Variants in ZNF33A observed in about 807,000 individuals in gnomAD.
The protein encoded by ZNF33A is brain my041 protein.
Under a neutral mutation model 15.9 loss-of-function variants are expected in ZNF33A, and 9 were observed. The ratio of observed to expected loss-of-function variants is 0.57; its 90% CI spans 0.34 to 0.99. The LOEUF (loss-of-function observed/expected upper bound fraction) is 0.99, where lower values mean the gene tolerates loss of function less well. Among genes scored for constraint, ZNF33A ranks in the 50% least tolerant of loss-of-function variants. The pLI, the probability that ZNF33A is intolerant of heterozygous loss-of-function variation, is 0.02. For synonymous variants in ZNF33A, 294 were observed against 324.2 expected (o/e 0.91, Z 1.00); for missense variants, 843 against 941.6 (o/e 0.90, Z 1.37).
intron 4 of ZNF33A, among the ~76,000 whole-genome samples, chr10:38,043,201 T>C (rs1306772635): frequency 1.3e-5 from 2 of 151,898 alleles, no homozygotes; most frequent in Non-Finnish European, 2.9e-5. Context: ...AGGTGACAGG[T>C]TATTAAAAAA....
intron 2 of ZNF33A, among the ~76,000 whole-genome samples, chr10:38,012,834 A>C (rs2064257035): frequency 6.6e-6 from 1 of 152,158 alleles, no homozygotes. Flanking sequence ...TAGAGTCAAT[A>C]AGTTGAGCTT....
At chr10:38,038,028 C>G (rs1385458329) in intron 4 of ZNF33A, among the ~76,000 whole-genome samples, 1 of 152,094 alleles carries the variant, frequency 6.6e-6, no homozygotes, top group African/African-American at 2.4e-5. Flanking sequence ...TCTTTAATTT[C>G]TTCTATCATT....
chr10:38,056,575 A>G lies in ZNF33A; in HGVS notation c.*15A>G. The G allele has an allele frequency of 6.5e-7, 1 of 1,538,560 alleles. No homozygotes were observed. The highest frequency in any genetic ancestry group is 2.3e-5 in the East Asian group (1 of 44,346). On this transcript the variant is annotated 3_prime_UTR_variant, in exon 5 of 5. Coordinates refer to ENST00000432900, the MANE Select transcript of ZNF33A (RefSeq NM_006954.2). ...ATGTTCAGTAACTATCCACAAACTC[A>G]CCTTATGTTACTCCAAAGTAATAGT...
chr10:38,034,996 C>T (rs975798406), intron 4 of ZNF33A, among the ~76,000 whole-genome samples: 2 of 151,764 alleles, frequency 1.3e-5, no homozygotes, highest in African/African-American at 4.8e-5. Context: ...TACTTATATT[C>T]TTCAACTCTT....
intron 4 of ZNF33A, among the ~76,000 whole-genome samples, chr10:38,032,642 C>T (rs2504117): frequency 0.06 from 9,114 of 151,916 alleles, 353 homozygotes; most frequent in Middle Eastern, 0.095. Context: ...GCTGTTTTTA[C>T]ATTTTCACCA....
chr10:38,064,106 C>T (rs1219944335), downstream of ZNF33A: 2 of 1,597,764 alleles, frequency 1.3e-6, no homozygotes, highest in Admixed American at 1.7e-5. Context: ...GATGCTCATG[C>T]CCTTGGATTA....
At position 38,054,541 on chromosome 10, in the gene ZNF33A, C is replaced by G; in HGVS notation, c.417C>G (p.Phe139Leu). 1.2e-6 allele frequency: 2 copies of G among 1,612,694 alleles called. No individual in the cohort carries two copies. The highest frequency in any genetic ancestry group is 1.1e-5 in the South Asian group (1 of 90,630). ...DVSSFPSRKM[F>L]CQCDSCGMSF... ...GTTCTTTTCCTTCCAGAAAAATGTT[C>G]TGTCAGTGTGATTCATGTGGAATGA... Residue 139 changes from phenylalanine to leucine, a missense_variant, in exon 5 of 5, where the codon TTC becomes TTG. Physicochemically the swap from Phe to Leu is conservative, Grantham distance 22. Coordinates refer to ENST00000432900, the MANE Select transcript of ZNF33A (RefSeq NM_006954.2).
chr10:38,010,663 G>A (rs748208671), upstream of ZNF33A: 4 of 1,572,452 alleles, frequency 2.5e-6, no homozygotes, highest in Non-Finnish European at 3.5e-6. Context: ...CTCGTCCGCC[G>A]GCTACGTCTG....
chr10:38,041,224 A>T (rs1274660597), intron 4 of ZNF33A, among the ~76,000 whole-genome samples: 1 of 152,112 alleles, frequency 6.6e-6, no homozygotes, highest in Non-Finnish European at 1.5e-5. Flanking sequence ...CCATCAGCAG[A>T]ATAGCACCCA....
intron 4 of ZNF33A, among the ~76,000 whole-genome samples, chr10:38,025,052 T>C (rs2064924846): frequency 6.6e-6 from 1 of 152,242 alleles, no homozygotes; most frequent in Non-Finnish European, 1.5e-5. Flanking sequence ...TCTTTCCCTG[T>C]CCCTAATTTA....
rs1439752611 is a variant in ZNF33A at position 38,010,746 on chromosome 10, G to A, written c.-82G>A. 16 of 1,598,344 alleles carry A rather than the reference G, an allele frequency of 1.0e-5. No homozygotes were observed. The East Asian group carries it at 1.1e-4, about 11-fold the overall frequency. ...GTCCCGGGATTTCAAGGGTCTACGC[G>A]CTTTTCTATGGCGAATGCAACCCGA... On this transcript the variant is annotated 5_prime_UTR_variant, in exon 1 of 5. Coordinates refer to ENST00000432900, the MANE Select transcript of ZNF33A (RefSeq NM_006954.2).
chr10:38,060,437 T>G (rs2066642409), downstream of ZNF33A, among the ~76,000 whole-genome samples: 1 of 152,140 alleles, frequency 6.6e-6, no homozygotes, highest in Non-Finnish European at 1.5e-5. Flanking sequence ...CAAACAGTGG[T>G]CACTGTACTC....
chr10:38,030,170 C>T (rs773598820), intron 4 of ZNF33A, among the ~76,000 whole-genome samples: 12 of 152,182 alleles, frequency 7.9e-5, no homozygotes, highest in Non-Finnish European at 1.8e-4. Flanking sequence ...TAAAATGCTA[C>T]AGTCATTCTA....
intron 4 of ZNF33A, among the ~76,000 whole-genome samples, chr10:38,025,306 T>G (rs1420140691): frequency 6.6e-6 from 1 of 152,188 alleles, no homozygotes; most frequent in Non-Finnish European, 1.5e-5. Flanking sequence ...ACCTCAACAT[T>G]GATTATGCTG....
chr10:38,051,843 T>C (rs1005647974), intron 4 of ZNF33A, among the ~76,000 whole-genome samples: 17 of 152,190 alleles, frequency 1.1e-4, no homozygotes, highest in African/African-American at 3.9e-4. Flanking sequence ...ATCTCTGCCC[T>C]GTATTAAAAA....
intron 4 of ZNF33A, among the ~76,000 whole-genome samples, chr10:38,035,992 T>C (rs1211387120): frequency 1.3e-5 from 2 of 152,166 alleles, no homozygotes; most frequent in Non-Finnish European, 2.9e-5. Flanking sequence ...GGCTGTTTTT[T>C]CTCTAATCTT....
At chr10:38,037,663 T>C (rs1348331805) in intron 4 of ZNF33A, among the ~76,000 whole-genome samples, 1 of 152,202 alleles carries the variant, frequency 6.6e-6, no homozygotes, top group African/African-American at 2.4e-5. Flanking sequence ...GTTGGCATCA[T>C]TGTTGAAAAT....
chr10:38,020,539 T>C (rs2064689105), intron 4 of ZNF33A, among the ~76,000 whole-genome samples: 1 of 152,158 alleles, frequency 6.6e-6, no homozygotes, highest in Non-Finnish European at 1.5e-5. Context: ...AACCGTCCTT[T>C]TACTTTCTAC....
intron 4 of ZNF33A, among the ~76,000 whole-genome samples, chr10:38,031,319 C>T (rs2065199370): frequency 1.3e-5 from 2 of 152,042 alleles, no homozygotes; most frequent in South Asian, 4.1e-4. Flanking sequence ...CCTGTAATCT[C>T]AGCATTTTGG....
Sources: allele counts gnomAD v4.1 joint callset (sites outside exome capture counted in the v4.1 genomes callset), GRCh38; gene constraint gnomAD v4.1.1; transcripts MANE v1.5; gene names NCBI Gene and HGNC (gene_info 2026-07-23, HGNC 2026-07-21).